Variants in MTUS2 observed in about 807,000 individuals in gnomAD.
The protein encoded by MTUS2 is microtubule associated scaffold protein 2.
A neutral mutation model predicts 114.1 loss-of-function variants in MTUS2; 40 were observed. The ratio of observed to expected loss-of-function variants is 0.35; its 90% CI spans 0.27 to 0.46. MTUS2 has a LOEUF of 0.46. Ranked by LOEUF, MTUS2 falls within the 20% of genes least tolerant of loss-of-function variation. The pLI is 1.00. For missense variants in MTUS2, 1,679 were observed against 1,705.4 expected (o/e 0.98, Z 0.27); for synonymous variants, 688 against 672.0 (o/e 1.02, Z -0.37).
chr13:28,886,271 AG>A (rs1275458039), intron 2 of MTUS2, among the ~76,000 whole-genome samples: 1 of 152,146 alleles, frequency 6.6e-6, no homozygotes. Context: ...TAATTTTGAA[AG>A]GATCACTCAA....
chr13:28,821,270 T>A (rs1873880019), intron 1 of MTUS2, among the ~76,000 whole-genome samples: 1 of 152,188 alleles, frequency 6.6e-6, no homozygotes, highest in South Asian at 2.1e-4. Context: ...GGTACCCTTT[T>A]AAGATAATAT....
intron 5 of MTUS2, among the ~76,000 whole-genome samples, chr13:29,177,859 C>T (rs1893838918): frequency 6.6e-6 from 1 of 152,146 alleles, no homozygotes. Context: ...ATGAAGGAAT[C>T]TGGAGTCAAG....
At chr13:28,939,996 A>G (rs1377677534) in intron 2 of MTUS2, among the ~76,000 whole-genome samples, 1 of 152,142 alleles carries the variant, frequency 6.6e-6, no homozygotes, top group East Asian at 1.9e-4. Context: ...CTTACTCACT[A>G]TCATGAGAAC....
intron 5 of MTUS2, among the ~76,000 whole-genome samples, chr13:29,206,208 G>C (rs1895178230): frequency 6.6e-6 from 1 of 152,064 alleles, no homozygotes; most frequent in Non-Finnish European, 1.5e-5. Flanking sequence ...TTTTATATTT[G>C]AGAATTGAGA....
At chr13:28,998,474 C>T (rs756572348) in intron 2 of MTUS2, among the ~76,000 whole-genome samples, 14 of 152,214 alleles carry the variant, frequency 9.2e-5, no homozygotes, top group African/African-American at 1.4e-4. Context: ...TGGATAATGT[C>T]GTGCAGAGTG....
chr13:29,444,797 A>T (rs1878156432), intron 9 of MTUS2, among the ~76,000 whole-genome samples: 1 of 152,232 alleles, frequency 6.6e-6, no homozygotes, highest in South Asian at 2.1e-4. Flanking sequence ...GAAAAGGAAG[A>T]TGCAAAAGAC....
At chr13:29,039,399 C>G (rs575819468) in intron 4 of MTUS2, among the ~76,000 whole-genome samples, 1 of 152,344 alleles carries the variant, frequency 6.6e-6, no homozygotes, top group South Asian at 2.1e-4. Flanking sequence ...GCGCGCCGGG[C>G]ACCCTCTGGC....
At chr13:29,360,581 G>C (rs1489422694) in intron 8 of MTUS2, among the ~76,000 whole-genome samples, 1 of 151,404 alleles carries the variant, frequency 6.6e-6, no homozygotes, top group Non-Finnish European at 1.5e-5. Context: ...TCCCCAACCA[G>C]AATTTTAACC....
At chr13:28,941,779 G>T (rs1284315223) in intron 2 of MTUS2, among the ~76,000 whole-genome samples, 1 of 151,812 alleles carries the variant, frequency 6.6e-6, no homozygotes, top group Non-Finnish European at 1.5e-5. Flanking sequence ...GTAGAATCTG[G>T]AATTATACCG....
At chr13:29,038,766 G>A (rs1887200478) in intron 4 of MTUS2, among the ~76,000 whole-genome samples, 1 of 152,262 alleles carries the variant, frequency 6.6e-6, no homozygotes, top group African/African-American at 2.4e-5. Flanking sequence ...TAGAGAGGCA[G>A]TCTGGTTACA....
At chr13:29,363,491 C>A (rs1454899372) in intron 8 of MTUS2, among the ~76,000 whole-genome samples, 7 of 152,040 alleles carry the variant, frequency 4.6e-5, no homozygotes, top group Non-Finnish European at 8.8e-5. Context: ...AATTCACCAA[C>A]CTCCTTCTTC....
intron 5 of MTUS2, among the ~76,000 whole-genome samples, chr13:29,211,274 C>T (rs1895420134): frequency 6.6e-6 from 1 of 152,208 alleles, no homozygotes; most frequent in African/African-American, 2.4e-5. Context: ...AGTGACAGGC[C>T]TTACCCAATG....
chr13:29,468,050 T>G (rs1880011887), intron 9 of MTUS2, among the ~76,000 whole-genome samples: 1 of 151,396 alleles, frequency 6.6e-6, no homozygotes, highest in Non-Finnish European at 1.5e-5. Context: ...GCCCAGGAGG[T>G]GGAGGCTACA....
At chr13:29,473,012 C>T (rs1172406819) in intron 9 of MTUS2, among the ~76,000 whole-genome samples, 5 of 152,150 alleles carry the variant, frequency 3.3e-5, no homozygotes, top group African/African-American at 1.2e-4. Context: ...GAAGAAACAA[C>T]TTAATCTTTT....
intron 8 of MTUS2, among the ~76,000 whole-genome samples, chr13:29,410,900 C>T (rs1276147942): frequency 2.6e-5 from 4 of 152,090 alleles, no homozygotes; most frequent in African/African-American, 7.2e-5. Context: ...GGCACGATCT[C>T]GGCTCACTGC....
At chr13:29,060,678 G>T (rs1888374282) in intron 4 of MTUS2, among the ~76,000 whole-genome samples, 1 of 149,704 alleles carries the variant, frequency 6.7e-6, no homozygotes, top group East Asian at 2.0e-4. Context: ...TTTAATTTTA[G>T]ACTATTTACA....
chr13:28,845,935 T>C (rs1339982205), intron 2 of MTUS2, among the ~76,000 whole-genome samples: 1 of 151,920 alleles, frequency 6.6e-6, no homozygotes, highest in Non-Finnish European at 1.5e-5. Context: ...AAAGTAAATG[T>C]TGCTTCTCAC....
chr13:29,162,788 T>C (rs1893154934), intron 5 of MTUS2, among the ~76,000 whole-genome samples: 1 of 152,258 alleles, frequency 6.6e-6, no homozygotes, highest in African/African-American at 2.4e-5. Context: ...CATTTCTCGC[T>C]TTCTGATGGA....
At chr13:29,143,657 G>T (rs1892317368) in intron 5 of MTUS2, among the ~76,000 whole-genome samples, 1 of 152,150 alleles carries the variant, frequency 6.6e-6, no homozygotes, top group Admixed American at 6.5e-5. Context: ...GGTGCCTCAG[G>T]AATTGGTGCC....
Sources: allele counts gnomAD v4.1 joint callset (sites outside exome capture counted in the v4.1 genomes callset), GRCh38; gene constraint gnomAD v4.1.1; transcripts MANE v1.5; gene names NCBI Gene and HGNC (gene_info 2026-07-23, HGNC 2026-07-21).